STAB2: variants seen among roughly 807,000 people sequenced by gnomAD.
STAB2 encodes stabilin-2.
In STAB2, 288 loss-of-function variants were observed where a neutral mutation model predicts 338.1. The ratio of observed to expected loss-of-function variants is 0.85; its 90% CI spans 0.77 to 0.94. The LOEUF (loss-of-function observed/expected upper bound fraction) is 0.94. Among genes scored for constraint, STAB2 ranks in the 40% least tolerant of loss-of-function variants. The pLI, the probability that STAB2 is intolerant of heterozygous loss-of-function variation, is 0.00. For synonymous variants in STAB2, 1,202 were observed against 1,193.3 expected, an observed-to-expected ratio of 1.01 and a Z score of -0.15; for missense variants, 3,141 against 3,210.1, an observed-to-expected ratio of 0.98 and a Z score of 0.52.
At position 103,620,037 on chromosome 12, in the gene STAB2, A is replaced by G. The variant is rs914664555; in HGVS notation, c.332-431A>G. Among the ~76,000 whole-genome samples the G allele has an allele frequency of 5.3e-5, 8 of 152,156 alleles. No homozygotes were observed. In the South Asian group the frequency reaches 1.0e-3, roughly 20 times the overall value. On this transcript the variant is annotated intron_variant, in intron 3 of 68. Transcript: ENST00000388887. ...CCTCAATACCCTGTCTAGCACACCT[A>G]TGAAGAGGCCTGGCCTTAGTCAAGC...
intron 63 of STAB2, among the ~76,000 whole-genome samples, chr12:103,757,766 G>A (rs538949777): frequency 6.6e-6 from 1 of 152,358 alleles, no homozygotes; most frequent in East Asian, 1.9e-4. Context: ...GTGAGCAAGA[G>A]AGGACAAGCT....
intron 26 of STAB2, 37 bp downstream of exon 26, chr12:103,683,337 A>G: frequency 2.6e-6 from 4 of 1,518,910 alleles, no homozygotes; most frequent in Non-Finnish European, 3.6e-6. Flanking sequence ...TACTTAAAAA[A>G]AAAAAAAAAA....
At position 103,713,727 on chromosome 12, in the gene STAB2, C is replaced by G; in HGVS notation, c.4496C>G (p.Thr1499Arg). The G allele has an allele frequency of 6.2e-7, 1 of 1,614,094 alleles. No individual in the cohort carries two copies. The highest frequency in any genetic ancestry group is 8.5e-7 in the Non-Finnish European group (1 of 1,179,956). ...KRTTPGRRVC[T>R]CKAGYTGDGI... ...ACCACCCCAGGAAGGCGAGTGTGCA[C>G]GTGCAAAGCAGGCTACACGGGTGAT... The change falls in exon 42 of 69, where the codon ACG (threonine) becomes AGG (arginine). Residue 1499 changes from threonine to arginine, a missense_variant. Transcript: ENST00000388887.
rs757704656 is a variant in STAB2 at position 103,662,953 on chromosome 12, G to C, written c.1977G>C (p.Pro659=). The C allele has an allele frequency of 1.9e-6, 3 of 1,614,108 alleles. No individual in the cohort carries two copies. The South Asian group carries it at 3.3e-5, about 18-fold the overall frequency. The part of the protein sequence containing the change: ...TGVLIPPSIV[P]ILPHRCDETK... ...TTCTCATTCCTCCCTCCATTGTCCCGATTCTGCCCCATCGATGTGATGAAA... is the reference window on the plus strand; with the variant it reads ...TTCTCATTCCTCCCTCCATTGTCCCCATTCTGCCCCATCGATGTGATGAAA... The change falls in exon 18 of 69, where the codon CCG becomes CCC. Residue 659 remains proline (P), a synonymous_variant. Transcript: ENST00000388887.
intron 27 of STAB2, among the ~76,000 whole-genome samples, chr12:103,685,456 G>GCA (rs1555238725): frequency 4.6e-5 from 5 of 108,480 alleles, no homozygotes; most frequent in African/African-American, 8.7e-5. Context: ...GTGTGTGTGC[G>GCA]CGTGCGTGTG....
intron 56 of STAB2, 57 bp from the exon 57 acceptor site, chr12:103,745,116 A>G (rs1357313749): frequency 6.8e-7 from 1 of 1,477,270 alleles, no homozygotes; most frequent in East Asian, 2.4e-5. Flanking sequence ...GGGGTCAGGG[A>G]GCTGGTTGAT....
chr12:103,743,178 A>T (rs1014772514), intron 56 of STAB2, among the ~76,000 whole-genome samples: 11 of 151,888 alleles, frequency 7.2e-5, no homozygotes, highest in African/African-American at 2.7e-4. Context: ...GCCCGCCACC[A>T]CACCCGGCTA....
At chr12:103,644,962 AAAAAT>A (rs1873224770) in intron 9 of STAB2, among the ~76,000 whole-genome samples, 1 of 152,234 alleles carries the variant, frequency 6.6e-6, no homozygotes, top group African/African-American at 2.4e-5. Flanking sequence ...TGTTAAACAT[AAAAAT>A]AAAATAAGAA....
chr12:103,749,830 ACT>A lies in STAB2; in HGVS notation c.6438+677_6438+678del, dbSNP rs1305968564. Among the ~76,000 whole-genome samples the A allele has an allele frequency of 2.6e-5, 3 of 117,228 alleles. No homozygotes were observed. In the East Asian group the frequency reaches 8.1e-4, roughly 32 times the overall value. 76.9% of individuals were successfully genotyped at this position (117,228 alleles called of 152,430 possible). A position where few individuals can be genotyped will look rare whatever the true frequency, so the allele number is the denominator to read the frequency against. On this transcript the variant is annotated intron_variant, in intron 59 of 68. Transcript: ENST00000388887. ...ACTCCAGCCTGGGTGACAGAGCAAG[ACT>A]CTGTCTCACAAAAAAAAAAAAAAAA... is the stretch of plus-strand genomic sequence containing the variant.
chr12:103,608,919 C>T (rs923763290), intron 3 of STAB2, among the ~76,000 whole-genome samples: 1 of 152,212 alleles, frequency 6.6e-6, no homozygotes, highest in Admixed American at 6.5e-5. Context: ...AGCCAGTTTT[C>T]CCAGCACCAT....
intron 53 of STAB2, 89 bp downstream of exon 53, chr12:103,737,869 T>G: frequency 6.5e-7 from 1 of 1,534,900 alleles, no homozygotes. Flanking sequence ...GTGAAACCAT[T>G]AAGGGCCTGT....
chr12:103,763,810 A>C (rs1477338411), intron 68 of STAB2: 3 of 496,732 alleles, frequency 6.0e-6, no homozygotes, highest in Non-Finnish European at 1.1e-5. Flanking sequence ...TTGGGTAGAC[A>C]GCAGAATCCT....
At chr12:103,646,089 C>T (rs949019289) in intron 9 of STAB2, among the ~76,000 whole-genome samples, 6 of 152,196 alleles carry the variant, frequency 3.9e-5, no homozygotes, top group Admixed American at 3.3e-4. Flanking sequence ...AGGAGAATCA[C>T]TTGGATCCAG....
At chr12:103,712,479 A>G in intron 41 of STAB2, 36 bp downstream of exon 41, 4 of 1,543,174 alleles carry the variant, frequency 2.6e-6, no homozygotes, top group Non-Finnish European at 3.6e-6. Flanking sequence ...GGGGGCTGGC[A>G]AGGCTTGCAC....
intron 56 of STAB2, among the ~76,000 whole-genome samples, chr12:103,744,266 T>G (rs368791179): frequency 1.3e-5 from 2 of 149,390 alleles, no homozygotes; most frequent in East Asian, 2.0e-4. Flanking sequence ...ACCTCAGCCT[T>G]CTGAGTAGTT....
Position 103,749,126 on chromosome 12 carries a change from C to T in STAB2, c.6408C>T (p.His2136=), listed in dbSNP as rs200152016. 68 of 1,608,280 alleles carry T rather than the reference C, an allele frequency of 4.2e-5. No homozygotes were observed. The East Asian group carries it at 4.5e-4, about 11-fold the overall frequency. ...CAGACGGCCTTAACGGAGGGTGTCA[C>T]GAGCACGCCACCTGTAAGATGACAG... ...PCADGLNGGC[H]EHATCKMTGP... Residue 2136 remains histidine, a synonymous_variant, in exon 59 of 69, where the codon CAC becomes CAT. Transcript: ENST00000388887.
chr12:103,674,840 A>G (rs1876180647), intron 23 of STAB2, among the ~76,000 whole-genome samples: 1 of 152,240 alleles, frequency 6.6e-6, no homozygotes, highest in African/African-American at 2.4e-5. Context: ...CTCTCCCACT[A>G]GACTATAGGC....
At position 103,706,932 on chromosome 12, in the gene STAB2, C is replaced by T. The variant is rs148549353; in HGVS notation, c.4137C>T (p.Ser1379=). Residue 1379 remains serine (S), a synonymous_variant, in exon 38 of 69, where the codon AGC becomes AGT. Coordinates refer to ENST00000388887, the MANE Select transcript of STAB2 (RefSeq NM_017564.10). The stretch of plus-strand genomic sequence containing the variant: ...TGTGTGAGTGTGGGGAGGGCTTCAG[C>T]GGCACAGCCTGCGAGACCTGCACCG... The part of the protein sequence containing the change: ...TGVCECGEGF[S]GTACETCTEG... The T allele has an allele frequency of 8.6e-5, 139 of 1,614,134 alleles. 1 individual carries two copies. The African/African-American group carries it at 1.2e-3, about 14-fold the overall frequency.
chr12:103,741,601 A>G (rs1882589776), intron 55 of STAB2, among the ~76,000 whole-genome samples: 2 of 152,292 alleles, frequency 1.3e-5, no homozygotes, highest in Admixed American at 1.3e-4. Context: ...CTACAGGCAC[A>G]TGCCACAAGA....
Sources: gnomAD v4.1 joint callset for allele counts (sites outside exome capture counted in the v4.1 genomes callset) on GRCh38, gnomAD v4.1.1 for gene constraint, MANE v1.5 for transcripts, NCBI Gene and HGNC (gene_info 2026-07-23, HGNC 2026-07-21) for gene names.